CNOT1: variants seen among roughly 807,000 people sequenced by gnomAD.
CNOT1 encodes CCR4-associated factor 1.
CNOT1 carries 15 observed loss-of-function variants against 273.8 expected under a neutral mutation model. That is an observed-to-expected ratio of 0.05 (90% CI 0.04 to 0.08). CNOT1 has a LOEUF of 0.08. CNOT1 is among the 10% of genes least tolerant of loss of function. CNOT1 has a pLI of 1.00. For missense variants in CNOT1, 1,644 were observed against 2,912.2 expected (o/e 0.56, Z 10.02); for synonymous variants, 1,022 against 1,005.5 (o/e 1.02, Z -0.31).
At chr16:58,629,453 C>T (rs1024021893) in intron 1 of CNOT1, among the ~76,000 whole-genome samples, 5 of 152,100 alleles carry the variant, frequency 3.3e-5, no homozygotes, top group African/African-American at 1.2e-4. Flanking sequence ...CAGAGACCAC[C>T]ATGGGTCTCA....
chr16:58,602,265 T>G (rs982530412), intron 1 of CNOT1, among the ~76,000 whole-genome samples: 5 of 151,916 alleles, frequency 3.3e-5, no homozygotes, highest in Non-Finnish European at 5.9e-5. Flanking sequence ...GAGATGGGGT[T>G]TCTCCATGAT....
chr16:58,583,519 T>TATC (rs2041722765), intron 8 of CNOT1, among the ~76,000 whole-genome samples: 1 of 152,170 alleles, frequency 6.6e-6, no homozygotes, highest in Non-Finnish European at 1.5e-5. Context: ...CATGGACTGT[T>TATC]ATCAGTCTGT....
chr16:58,590,671 A>G (rs776852676), intron 2 of CNOT1, among the ~76,000 whole-genome samples: 1 of 152,150 alleles, frequency 6.6e-6, no homozygotes, highest in Non-Finnish European at 1.5e-5. Context: ...AGGCTGAGGC[A>G]GGAGGATCAC....
chr16:58,619,032 A>G (rs1401093996), intron 1 of CNOT1, among the ~76,000 whole-genome samples: 1 of 152,104 alleles, frequency 6.6e-6, no homozygotes, highest in Non-Finnish European at 1.5e-5. Context: ...CATCACTATA[A>G]AAAAACTTTT....
intron 1 of CNOT1, among the ~76,000 whole-genome samples, chr16:58,606,201 A>G (rs1466221491): frequency 2.0e-5 from 3 of 152,096 alleles, no homozygotes; most frequent in Admixed American, 6.6e-5. Flanking sequence ...TCCAGAGTTC[A>G]AGACCAGACT....
intron 1 of CNOT1, among the ~76,000 whole-genome samples, chr16:58,626,505 T>G (rs1231646383): frequency 6.7e-6 from 1 of 150,238 alleles, no homozygotes; most frequent in Admixed American, 6.6e-5. Context: ...CTCATGCCTG[T>G]AATCCCAGCA....
chr16:58,605,893 C>T (rs1410557600), intron 1 of CNOT1, among the ~76,000 whole-genome samples: 5 of 152,164 alleles, frequency 3.3e-5, no homozygotes, highest in East Asian at 1.9e-4. Flanking sequence ...TGGGGCTCAG[C>T]GATCCCTCTG....
intron 2 of CNOT1, among the ~76,000 whole-genome samples, chr16:58,592,647 A>C (rs751471952): frequency 5.3e-5 from 8 of 152,234 alleles, no homozygotes; most frequent in Non-Finnish European, 8.8e-5. Flanking sequence ...AAATGGGCCA[A>C]ATTCAGATTT....
chr16:58,528,387 G>T, intron 44 of CNOT1, 88 bp downstream of exon 44: 2 of 885,886 alleles, frequency 2.3e-6, no homozygotes, highest in South Asian at 1.4e-5. Context: ...GTGTTATGTT[G>T]GGTAGGAAAG....
intron 39 of CNOT1, 131 bp downstream of exon 39, chr16:58,536,858 T>C (rs1043214090): frequency 2.0e-5 from 28 of 1,377,558 alleles, no homozygotes; most frequent in Middle Eastern, 3.7e-4. Context: ...CATATAATGA[T>C]GACAGTTTGG....
chr16:58,530,481 T>C, intron 42 of CNOT1, 134 bp from the exon 43 acceptor site: 1 of 570,322 alleles, frequency 1.8e-6, no homozygotes, highest in Non-Finnish European at 2.9e-6. Flanking sequence ...TAAGTACTTT[T>C]ACAAAAGATC....
At chr16:58,625,598 C>T (rs558645631) in intron 1 of CNOT1, among the ~76,000 whole-genome samples, 19 of 152,052 alleles carry the variant, frequency 1.2e-4, no homozygotes, top group African/African-American at 4.3e-4. Context: ...GCAGGAGAAT[C>T]ACTTGAACCC....
chr16:58,575,429 A>G (rs1167425789), intron 14 of CNOT1, among the ~76,000 whole-genome samples: 1 of 152,140 alleles, frequency 6.6e-6, no homozygotes, highest in African/African-American at 2.4e-5. Flanking sequence ...AATTATCCCT[A>G]CCCATTTTTC....
rs1481308858 is a variant in CNOT1, at chr16:58,558,651, T to C, written c.2154A>G (p.Thr718=). ...PVQIDPLAGM[T]SLSIGGSAAP... ...CAGCTGAACCACCTATACTAAGAGA[T>C]GTCATTCCAGCAAGAGGGTCAATCT... Residue 718 remains threonine (T), a synonymous_variant, in exon 18 of 49, where the codon ACA becomes ACG. Transcript: ENST00000317147. 18 of 1,613,682 alleles carry C rather than the reference T, an allele frequency of 1.1e-5. No homozygotes were observed. In the Middle Eastern group the frequency reaches 8.2e-4, roughly 74 times the overall value.
chr16:58,623,883 G>T (rs974196644), intron 1 of CNOT1, among the ~76,000 whole-genome samples: 1 of 152,032 alleles, frequency 6.6e-6, no homozygotes, highest in African/African-American at 2.4e-5. Flanking sequence ...CCAGCTACTT[G>T]GGAGGCCGAG....
rs200088613 is a variant in CNOT1, at chr16:58,603,408, AGTGTGTGTGTGTGTGTGTGT to A, written c.-174-3917_-174-3898del. Among the ~76,000 whole-genome samples the A allele has an allele frequency of 7.2e-3, 692 of 96,748 alleles. 4 individuals carry two copies. The highest frequency in any genetic ancestry group is 0.022 in the African/African-American group (626 of 28,574). 63.5% of individuals were successfully genotyped at this position (96,748 alleles called of 152,430 possible). ...CTAGACCCTATCTCTACAATTTAAA[AGTGTGTGTGTGTGTGTGTGT>A]GTGTGTGTGTGTGTGTGTGTGTGTG... On this transcript the variant is annotated intron_variant, in intron 1 of 48. Transcript: ENST00000317147.
rs960409880 is a variant in CNOT1 at position 58,592,255 on chromosome 16, T to G, written c.103-3349A>C. On this transcript the variant is annotated intron_variant, in intron 2 of 48. Transcript: ENST00000317147. ...TTTTAGAAGAAACAGTTGCTCCTGG[T>G]GAGGAGCAGACAGCATGGCAGCATA... Among the ~76,000 whole-genome samples, 3 of 152,048 alleles carry G rather than the reference T, an allele frequency of 2.0e-5. No individual in the cohort carries two copies. The East Asian group carries it at 5.8e-4, about 29-fold the overall frequency.
rs1333263681 is a variant in CNOT1 at position 58,555,336 on chromosome 16, G to A, written c.2806C>T (p.Arg936Ter). Reference protein sequence around the residue: ...VTYMALGLALRYVLEALRKPF... With the variant: ...VTYMALGLAL ...TTGCGTAAGGCTTCAAGAACATATCGTAGAGCCAGACCTAGTGCCATGTAA... is the reference window on the plus strand; with the variant it reads ...TTGCGTAAGGCTTCAAGAACATATCATAGAGCCAGACCTAGTGCCATGTAA... The change falls in exon 21 of 49, where the codon CGA becomes TGA. Residue 936 changes from arginine to a stop codon, truncating the protein, a stop_gained. Coordinates refer to ENST00000317147, the MANE Select transcript of CNOT1 (RefSeq NM_016284.5). LOFTEE classifies it high-confidence loss of function. The A allele has an allele frequency of 6.2e-7, 1 of 1,614,110 alleles. No individual in the cohort carries two copies. Among genetic ancestry groups the A allele is most frequent in the Admixed American group, 1.7e-5 (1 of 60,012 alleles).
chr16:58,612,885 T>C (rs1044077149), intron 1 of CNOT1, among the ~76,000 whole-genome samples: 1 of 152,210 alleles, frequency 6.6e-6, no homozygotes, highest in Non-Finnish European at 1.5e-5. Context: ...TATGCAAGTA[T>C]AATAAACACT....
Sources: allele counts gnomAD v4.1 joint callset (sites outside exome capture counted in the v4.1 genomes callset), GRCh38; gene constraint gnomAD v4.1.1; transcripts MANE v1.5; gene names NCBI Gene and HGNC (gene_info 2026-07-23, HGNC 2026-07-21).